Variants in PARP8 observed in about 807,000 individuals in gnomAD.
The protein encoded by PARP8 is poly(ADP-ribose) polymerase family member 8, also known as protein mono-ADP-ribosyltransferase PARP8.
In PARP8, 51 loss-of-function variants were observed where a neutral mutation model predicts 124.1. The observed-to-expected ratio is 0.41, with a 90% CI of 0.33 to 0.52. PARP8 has a LOEUF of 0.52. PARP8 is among the 20% of genes least tolerant of loss of function. The pLI is 0.21. For missense variants in PARP8, 860 were observed against 1,018.9 expected (o/e 0.84, Z 2.12); for synonymous variants, 391 against 361.5 (o/e 1.08, Z -0.93).
rs184168938 is a variant in PARP8, at chr5:50,711,509, G to A, written c.147-38642G>A. 1.7e-3 allele frequency among the ~76,000 whole-genome samples: 260 copies of A among 152,208 alleles called. 2 individuals carry two copies. The highest frequency in any genetic ancestry group is 5.8e-3 in the African/African-American group (241 of 41,550). On this transcript the variant is annotated intron_variant, in intron 2 of 25. Transcript: ENST00000281631. The stretch of plus-strand genomic sequence containing the variant: ...GACTTTCATTTTCATTTCTGGATGT[G>A]ATATTGGGACTGCAGCACCTGTCAT...
Position 50,827,893 on chromosome 5 carries a change from A to AATAT in PARP8, c.1978-48_1978-45dup, listed in dbSNP as rs149650908. The AATAT allele has an allele frequency of 9.2e-4, 1,200 of 1,305,738 alleles. 14 individuals are homozygous for AATAT. In the East Asian group the frequency reaches 0.026, roughly 28 times the overall value. 80.9% of individuals were successfully genotyped at this position (1,305,738 alleles called of 1,614,324 possible). A position where few individuals can be genotyped will look rare whatever the true frequency, so the allele number is the denominator to read the frequency against. ...AAAATTTGAAATTGTCATCAGCCTG[A>AATAT]ATATATGTTAAGTTTTACATGTTTT... On this transcript the variant is annotated intron_variant, in intron 19 of 25. Transcript: ENST00000281631.
intron 2 of PARP8, among the ~76,000 whole-genome samples, chr5:50,680,207 C>G (rs1431912096): frequency 6.6e-6 from 1 of 152,162 alleles, no homozygotes; most frequent in Admixed American, 6.5e-5. Context: ...TACTCTGGAT[C>G]GGTGCCCTTT....
In PARP8 at chr5:50,763,281, T is replaced by C. The variant is rs199745657; in HGVS notation, c.518+39T>C. On this transcript the variant is annotated intron_variant, in intron 7 of 25. Transcript: ENST00000281631. ...ACTGGTGAATAAAATTAAAGTTTTA[T>C]GGTAAGTCATTGAAATTTACTTTTG... 769 of 1,464,656 alleles carry C rather than the reference T, an allele frequency of 5.3e-4. 2 individuals carry two copies. The highest frequency in any genetic ancestry group is 4.9e-4 in the Non-Finnish European group (519 of 1,048,842). 90.7% of individuals were successfully genotyped at this position (1,464,656 alleles called of 1,614,324 possible). A position where few individuals can be genotyped will look rare whatever the true frequency, so the allele number is the denominator to read the frequency against.
intron 2 of PARP8, among the ~76,000 whole-genome samples, chr5:50,718,265 A>G (rs1386058539): frequency 3.3e-5 from 5 of 152,080 alleles, no homozygotes; most frequent in Non-Finnish European, 7.4e-5. Flanking sequence ...GAGCTTTGAT[A>G]AAACAATTTT....
At chr5:50,750,221 T>C in intron 3 of PARP8, 33 bp downstream of exon 3, 2 of 1,519,918 alleles carry the variant, frequency 1.3e-6, no homozygotes, top group Middle Eastern at 1.8e-4. Flanking sequence ...CAGATATTCG[T>C]ATCAGGGTTC....
chr5:50,740,009 A>T (rs914846851), intron 2 of PARP8, among the ~76,000 whole-genome samples: 7 of 151,940 alleles, frequency 4.6e-5, no homozygotes, highest in Non-Finnish European at 1.0e-4. Flanking sequence ...TTGGCCTCCC[A>T]AAGTGCTGGG....
intron 22 of PARP8, among the ~76,000 whole-genome samples, chr5:50,832,164 G>A (rs1212241065): frequency 6.6e-6 from 1 of 152,038 alleles, no homozygotes; most frequent in Non-Finnish European, 1.5e-5. Context: ...CTCAACTTCT[G>A]GTGTAACAGT....
chr5:50,750,893 A>G (rs1759180943), intron 3 of PARP8, among the ~76,000 whole-genome samples: 1 of 149,320 alleles, frequency 6.7e-6, no homozygotes, highest in Non-Finnish European at 1.5e-5. Context: ...TTTTACTGGA[A>G]GAACCAATAC....
intron 9 of PARP8, among the ~76,000 whole-genome samples, chr5:50,786,076 TC>T (rs1317443939): frequency 9.2e-5 from 14 of 152,132 alleles, no homozygotes; most frequent in African/African-American, 3.4e-4. Flanking sequence ...ATAAAAACCC[TC>T]TTGACCTCAA....
In PARP8 at chr5:50,843,794, T is replaced by G. The variant is rs1748404202; in HGVS notation, c.*1726T>G. 6.6e-6 allele frequency: 1 copy of G among 151,802 alleles called. No individual in the cohort carries two copies. The highest frequency in any genetic ancestry group is 2.1e-4 in the South Asian group (1 of 4,832). 9.4% of individuals were successfully genotyped at this position (151,802 alleles called of 1,614,324 possible). ...GCCAAGATGCTGCAAGTCTCCCAAA[T>G]CACTTCAACTGTGTTTTTAAAACAT... On this transcript the variant is annotated 3_prime_UTR_variant, in exon 26 of 26. Transcript: ENST00000281631.
chr5:50,753,933 A>G (rs1335954400), intron 3 of PARP8, among the ~76,000 whole-genome samples: 2 of 151,132 alleles, frequency 1.3e-5, no homozygotes, highest in African/African-American at 2.4e-5. Context: ...AATGCTTTGC[A>G]TAGTGTTAGA....
At chr5:50,827,006 G>A (rs1232776733) in intron 19 of PARP8, among the ~76,000 whole-genome samples, 1 of 152,048 alleles carries the variant, frequency 6.6e-6, no homozygotes, top group Non-Finnish European at 1.5e-5. Flanking sequence ...TCAGTCTGCT[G>A]TCCTGACTTT....
chr5:50,741,731 G>C, intron 2 of PARP8: 1 of 332,634 alleles, frequency 3.0e-6, no homozygotes, highest in Non-Finnish European at 5.8e-6. Context: ...TGTTGGGCAA[G>C]AGTCTTCATC....
chr5:50,835,115 C>A, intron 25 of PARP8, 100 bp downstream of exon 25: 1 of 876,956 alleles, frequency 1.1e-6, no homozygotes, highest in African/African-American at 1.7e-5. Flanking sequence ...CAAAATATAA[C>A]AGGTAATTGA....
chr5:50,788,986 C>G (rs1026879495), intron 10 of PARP8, among the ~76,000 whole-genome samples: 2 of 152,170 alleles, frequency 1.3e-5, no homozygotes, highest in Non-Finnish European at 2.9e-5. Flanking sequence ...TCCACTGAAG[C>G]CTGCTGCTCT....
intron 9 of PARP8, among the ~76,000 whole-genome samples, chr5:50,780,957 A>AT (rs1740602857): frequency 1.3e-5 from 2 of 151,554 alleles, no homozygotes; most frequent in Non-Finnish European, 1.5e-5. Flanking sequence ...CCTTGATACT[A>AT]TTTTTTCTGT....
intron 2 of PARP8, among the ~76,000 whole-genome samples, chr5:50,678,772 TAC>T (rs1269581736): frequency 6.6e-6 from 1 of 152,166 alleles, no homozygotes; most frequent in Non-Finnish European, 1.5e-5. Context: ...CTTGGAAATG[TAC>T]AGAGTCTGAG....
At chr5:50,681,996 G>A (rs1579935268) in intron 2 of PARP8, among the ~76,000 whole-genome samples, 2 of 152,254 alleles carry the variant, frequency 1.3e-5, no homozygotes, top group East Asian at 3.9e-4. Flanking sequence ...TTTTTGGTTG[G>A]TTTAAAACCT....
intron 9 of PARP8, 31 bp from the exon 10 acceptor site, chr5:50,788,492 A>G (rs376201139): frequency 2.5e-6 from 4 of 1,598,162 alleles, no homozygotes; most frequent in Non-Finnish European, 3.4e-6. Context: ...TTTCAAGTCA[A>G]TATGTGACTG....
Sources: gnomAD v4.1 joint callset for allele counts (sites outside exome capture counted in the v4.1 genomes callset) on GRCh38, gnomAD v4.1.1 for gene constraint, MANE v1.5 for transcripts, NCBI Gene and HGNC (gene_info 2026-07-23, HGNC 2026-07-21) for gene names.